The following DIAPH1 variants were observed in gnomAD, a reference collection of about 807,000 sequenced individuals.
DIAPH1 encodes the protein diaphanous related formin 1.
Under a neutral mutation model 140.7 loss-of-function variants are expected in DIAPH1, and 46 were observed. The ratio of observed to expected loss-of-function variants is 0.33; its 90% CI spans 0.26 to 0.42. The LOEUF (loss-of-function observed/expected upper bound fraction) is 0.42, where lower values mean the gene tolerates loss of function less well. DIAPH1 is among the 10% of genes least tolerant of loss of function. The pLI is 1.00. For missense variants in DIAPH1, 1,310 were observed against 1,558.7 expected (o/e 0.84, Z 2.69); for synonymous variants, 565 against 551.6 (o/e 1.02, Z -0.34).
chr5:141,571,882 T>C, intron 17 of DIAPH1, 44 bp downstream of exon 17: 1 of 1,376,360 alleles, frequency 7.3e-7, no homozygotes. Flanking sequence ...AAAAATATTC[T>C]AAGCCCTACA....
At chr5:141,519,417 T>C (rs1007027837) in intron 27 of DIAPH1, among the ~76,000 whole-genome samples, 2 of 152,198 alleles carry the variant, frequency 1.3e-5, no homozygotes, top group Middle Eastern at 6.3e-3. Context: ...GGTATATATA[T>C]GTTGAAATAA....
chr5:141,543,077 A>C (rs1313185598), intron 18 of DIAPH1, among the ~76,000 whole-genome samples: 1 of 96,742 alleles, frequency 1.0e-5, no homozygotes, highest in African/African-American at 3.3e-5. Flanking sequence ...GTTTAGTTAC[A>C]AAAAAAAAAA....
chr5:141,573,700 G>A lies in DIAPH1; in HGVS notation c.2150C>T (p.Pro717Leu). 1 of 1,600,852 alleles carries A rather than the reference G, an allele frequency of 6.2e-7. No individual in the cohort carries two copies. The highest frequency in any genetic ancestry group is 8.5e-7 in the Non-Finnish European group (1 of 1,171,398). Residue 717 changes from proline to leucine, a missense_variant, in exon 16 of 28, where the codon CCT (proline) becomes CTT (leucine). This residue lies in a region of DIAPH1 where 589 missense variants were observed against 549.3 expected (regional missense o/e 1.07). Transcript: ENST00000389054. ...LPGEAGMPPP[P>L]PPLPGGPGIP... ...TCCAGGACCACCAGGAAGAGGGGGAGGAGGAGGTGGCATTCCTGCTTCTCC... is the reference window on the plus strand; with the variant it reads ...TCCAGGACCACCAGGAAGAGGGGGAAGAGGAGGTGGCATTCCTGCTTCTCC...
chr5:141,605,105 A>T (rs541912249), intron 1 of DIAPH1, among the ~76,000 whole-genome samples: 74 of 152,278 alleles, frequency 4.9e-4, no homozygotes, highest in Non-Finnish European at 6.5e-4. Context: ...AAAAAAATTA[A>T]TTTCTGAAAA....
At chr5:141,572,626 C>G (rs1010986326) in intron 16 of DIAPH1, among the ~76,000 whole-genome samples, 1 of 152,016 alleles carries the variant, frequency 6.6e-6, no homozygotes, top group Admixed American at 6.6e-5. Flanking sequence ...ATGGTGAAAC[C>G]CCATCTCTAC....
intron 1 of DIAPH1, among the ~76,000 whole-genome samples, chr5:141,606,217 T>C (rs2099900930): frequency 6.6e-6 from 1 of 152,136 alleles, no homozygotes; most frequent in African/African-American, 2.4e-5. Context: ...TATCCAGACA[T>C]ACCCTGAGGA....
chr5:141,518,103 A>G (rs1472504648), intron 27 of DIAPH1, among the ~76,000 whole-genome samples: 1 of 152,240 alleles, frequency 6.6e-6, no homozygotes, highest in Non-Finnish European at 1.5e-5. Flanking sequence ...AAACCCAGAG[A>G]TAGAAAATAG....
chr5:141,525,995 C>A (rs762007788), intron 26 of DIAPH1, 43 bp downstream of exon 26: 1 of 1,612,386 alleles, frequency 6.2e-7, no homozygotes, highest in Non-Finnish European at 8.5e-7. Context: ...GAAGTCTTCC[C>A]AACATTCCTA....
At chr5:141,520,172 G>A (rs1413316622) in intron 27 of DIAPH1, among the ~76,000 whole-genome samples, 1 of 152,138 alleles carries the variant, frequency 6.6e-6, no homozygotes, top group Non-Finnish European at 1.5e-5. Flanking sequence ...GGACAGATGG[G>A]GCAATCATCA....
rs538350425 is a variant in DIAPH1 at position 141,559,886 on chromosome 5, T to C, written c.2482+11542A>G. Among the ~76,000 whole-genome samples, 146 of 152,346 alleles carry C rather than the reference T, an allele frequency of 9.6e-4. 1 individual carries two copies. The highest frequency in any genetic ancestry group is 3.4e-3 in the Middle Eastern group (1 of 294). Reference sequence around the variant, plus strand: ...TCCTGGATTAAAAAATGTTTTATTATGGGAAAAATTAAACATTCAAAAACA... The same window carrying C: ...TCCTGGATTAAAAAATGTTTTATTACGGGAAAAATTAAACATTCAAAAACA... On this transcript the variant is annotated intron_variant, in intron 18 of 27. Coordinates refer to ENST00000389054, the MANE Select transcript of DIAPH1 (RefSeq NM_005219.5).
chr5:141,559,016 TC>T (rs1282539645), intron 18 of DIAPH1, among the ~76,000 whole-genome samples: 1 of 152,010 alleles, frequency 6.6e-6, no homozygotes, highest in Non-Finnish European at 1.5e-5. Flanking sequence ...ATATGAAAGA[TC>T]AGAACACTTA....
intron 1 of DIAPH1, 42 bp downstream of exon 1, chr5:141,618,756 G>T (rs896809508): frequency 1.4e-6 from 2 of 1,426,854 alleles, no homozygotes; most frequent in Non-Finnish European, 1.9e-6. Context: ...TCCAGAGGGC[G>T]GTTACGGGGC....
At chr5:141,581,544 C>A (rs1438901006) in intron 7 of DIAPH1, among the ~76,000 whole-genome samples, 2 of 152,062 alleles carry the variant, frequency 1.3e-5, no homozygotes, top group African/African-American at 4.8e-5. Flanking sequence ...TCCCCGCAAT[C>A]CAATGGAATA....
Position 141,534,442 on chromosome 5 carries a change from G to C in DIAPH1, c.2483-9C>G, listed in dbSNP as rs1183855995. 6.2e-7 allele frequency: 1 copy of C among 1,607,902 alleles called. No individual in the cohort carries two copies. Among genetic ancestry groups the C allele is most frequent in the Admixed American group, 1.7e-5 (1 of 60,020 alleles). On this transcript the variant is annotated splice_polypyrimidine_tract_variant and intron_variant, in intron 18 of 27. Coordinates refer to ENST00000389054, the MANE Select transcript of DIAPH1 (RefSeq NM_005219.5). ...TTCTTGATCCTTCTTGGCTAGCAGG[G>C]AAAAGATTAGAAAAGCATGATTAAA...
intron 18 of DIAPH1, among the ~76,000 whole-genome samples, chr5:141,569,076 G>A (rs555472792): frequency 6.6e-6 from 1 of 152,030 alleles, no homozygotes; most frequent in South Asian, 2.1e-4. Context: ...CCAATTCAAG[G>A]ACATTTGCGT....
rs75684622 is a variant in DIAPH1, at chr5:141,560,045, G to T, written c.2482+11383C>A. ...ATTTCTGTACACATCTCTAAAAGAT[G>T]ATGACTTTTTAAAAAATGCCATGAA... is the stretch of plus-strand genomic sequence containing the variant. On this transcript the variant is annotated intron_variant, in intron 18 of 27. Transcript: ENST00000389054. Among the ~76,000 whole-genome samples, 751 of 152,234 alleles carry T rather than the reference G, an allele frequency of 4.9e-3. 4 individuals carry two copies. Among genetic ancestry groups the T allele is most frequent in the African/African-American group, 0.017 (692 of 41,542 alleles).
chr5:141,529,104 G>T, intron 21 of DIAPH1, 68 bp downstream of exon 21: 1 of 1,548,498 alleles, frequency 6.5e-7, no homozygotes, highest in South Asian at 1.1e-5. Context: ...CATATGCCCA[G>T]GCTGCTCTCT....
At chr5:141,550,212 T>C in intron 18 of DIAPH1, among the ~76,000 whole-genome samples, 1 of 152,300 alleles carries the variant, frequency 6.6e-6, no homozygotes, top group Admixed American at 6.5e-5. Context: ...CTAATAACAT[T>C]ATCTTAAGAT....
At chr5:141,529,559 CGACACA>C (rs2099887890) in intron 20 of DIAPH1, 38 bp downstream of exon 20, 1 of 1,479,394 alleles carries the variant, frequency 6.8e-7, no homozygotes, top group South Asian at 1.1e-5. Context: ...CAGTGCCCAG[CGACACA>C]GAAGAGCCTG....
Sources: gnomAD v4.1 joint callset for allele counts (sites outside exome capture counted in the v4.1 genomes callset) on GRCh38, gnomAD v4.1.1 for gene constraint, gnomAD v4.1.1 regional missense constraint, MANE v1.5 for transcripts, NCBI Gene and HGNC (gene_info 2026-07-23, HGNC 2026-07-21) for gene names.